ARID1B: variants seen among roughly 807,000 people sequenced by gnomAD.
ARID1B encodes the protein AT-rich interaction domain 1B.
In ARID1B, 30 loss-of-function variants were observed where a neutral mutation model predicts 212.3. That is an observed-to-expected ratio of 0.14 (90% CI 0.11 to 0.19). The LOEUF is 0.19. Ranked by LOEUF, ARID1B falls within the 10% of genes least tolerant of loss-of-function variation. The pLI is 1.00. For synonymous variants in ARID1B, 1,402 were observed against 1,301.7 expected, an observed-to-expected ratio of 1.08 and a Z score of -1.66; for missense variants, 2,891 against 3,204.0, an observed-to-expected ratio of 0.90 and a Z score of 2.36.
chr6:157,036,891 G>A, intron 4 of ARID1B: 1 of 498,086 alleles, frequency 2.0e-6, no homozygotes, highest in South Asian at 1.5e-5. Flanking sequence ...GTAGTCTGGT[G>A]TAGTTCATTG....
At chr6:156,807,989 C>T (rs1254326715) in intron 1 of ARID1B, among the ~76,000 whole-genome samples, 10 of 152,174 alleles carry the variant, frequency 6.6e-5, no homozygotes, top group East Asian at 3.8e-4. Flanking sequence ...CCTAGACTCC[C>T]GTGTCATTGA....
At chr6:156,798,966 A>G (rs1562393265) in intron 1 of ARID1B, among the ~76,000 whole-genome samples, 2 of 152,148 alleles carry the variant, frequency 1.3e-5, no homozygotes, top group Non-Finnish European at 2.9e-5. Flanking sequence ...TGTATAGGTT[A>G]TTCTCTGATG....
chr6:156,980,267 G>C (rs985086518), intron 4 of ARID1B, among the ~76,000 whole-genome samples: 3 of 152,086 alleles, frequency 2.0e-5, no homozygotes, highest in Non-Finnish European at 4.4e-5. Context: ...TAGATCACCT[G>C]CGGTCAGGAG....
intron 1 of ARID1B, among the ~76,000 whole-genome samples, chr6:156,802,029 C>T (rs1291638555): frequency 6.6e-6 from 1 of 152,234 alleles, no homozygotes. Flanking sequence ...GAATGTTTAA[C>T]TGGTTGGTGC....
At chr6:157,182,504 G>T (rs1399884595) in intron 12 of ARID1B, among the ~76,000 whole-genome samples, 1 of 152,132 alleles carries the variant, frequency 6.6e-6, no homozygotes, top group Non-Finnish European at 1.5e-5. Context: ...AGAATCAGGC[G>T]CCCTGCGCCC....
chr6:157,016,967 G>A (rs1562551717), intron 4 of ARID1B, among the ~76,000 whole-genome samples: 2 of 152,120 alleles, frequency 1.3e-5, no homozygotes, highest in African/African-American at 4.8e-5. Flanking sequence ...CATTAATTTT[G>A]TATTGCTTAA....
intron 2 of ARID1B, among the ~76,000 whole-genome samples, chr6:156,863,926 G>A (rs1292872840): frequency 1.3e-5 from 2 of 152,122 alleles, no homozygotes; most frequent in Admixed American, 6.5e-5. Context: ...GAGAGATTCC[G>A]TTACTTCTTG....
intron 9 of ARID1B, among the ~76,000 whole-genome samples, chr6:157,172,222 A>G (rs930718877): frequency 6.6e-6 from 1 of 152,288 alleles, no homozygotes; most frequent in East Asian, 1.9e-4. Flanking sequence ...CCCAGAGACA[A>G]AACTGCGTGG....
chr6:156,872,632 A>G (rs925181554), intron 2 of ARID1B, among the ~76,000 whole-genome samples: 2 of 152,206 alleles, frequency 1.3e-5, no homozygotes, highest in Middle Eastern at 3.4e-3. Context: ...GGCCTAACCC[A>G]TCGGTTTTCA....
chr6:156,830,975 C>A (rs533423132), intron 2 of ARID1B, among the ~76,000 whole-genome samples: 25 of 152,252 alleles, frequency 1.6e-4, no homozygotes, highest in African/African-American at 4.3e-4. Context: ...TTACCCACTC[C>A]GAATTCTAGC....
At chr6:157,039,355 GCT>G (rs1781558188) in intron 4 of ARID1B, among the ~76,000 whole-genome samples, 1 of 77,156 alleles carries the variant, frequency 1.3e-5, no homozygotes, top group Admixed American at 1.4e-4. Context: ...ACGGAGTCTC[GCT>G]CTGTCGCCCA....
At chr6:157,146,471 C>T (rs1201235639) in intron 7 of ARID1B, among the ~76,000 whole-genome samples, 1 of 152,198 alleles carries the variant, frequency 6.6e-6, no homozygotes, top group Non-Finnish European at 1.5e-5. Flanking sequence ...TCAGAGGACT[C>T]TCCACCAACC....
chr6:156,939,957 A>G (rs958866454), intron 4 of ARID1B: 2 of 152,248 alleles, frequency 1.3e-5, no homozygotes, highest in Non-Finnish European at 2.9e-5. Context: ...GAAAAAGGAA[A>G]AAGTTTTATT....
intron 1 of ARID1B, among the ~76,000 whole-genome samples, chr6:156,811,971 C>T (rs1781582781): frequency 6.6e-6 from 1 of 152,192 alleles, no homozygotes. Flanking sequence ...AGATGATTTC[C>T]TTCAACTAAA....
At chr6:157,106,912 G>A (rs971088826) in intron 5 of ARID1B, among the ~76,000 whole-genome samples, 7 of 152,304 alleles carry the variant, frequency 4.6e-5, no homozygotes, top group South Asian at 2.1e-4. Context: ...ACCGTTAGCC[G>A]ATACCACTGT....
At position 156,977,004 on chromosome 6, in the gene ARID1B, G is replaced by A. The variant is rs146244833; in HGVS notation, c.2247+41428G>A. ...TTTCATTGCACTGACAACCTCGGCT[G>A]GCATCATGGACCATAAGGAAGCAAG... On this transcript the variant is annotated intron_variant, in intron 4 of 19. Transcript: ENST00000636930. The A allele has an allele frequency of 2.6e-3, 1,353 of 511,892 alleles. 18 individuals carry two copies. Among genetic ancestry groups the A allele is most frequent in the African/African-American group, 0.024 (1,249 of 51,370 alleles). 31.7% of individuals were successfully genotyped at this position (511,892 alleles called of 1,614,324 possible). A position where few individuals can be genotyped will look rare whatever the true frequency, so the allele number is the denominator to read the frequency against.
intron 8 of ARID1B, among the ~76,000 whole-genome samples, chr6:157,155,397 C>T (rs1223701752): frequency 1.3e-5 from 2 of 151,828 alleles, no homozygotes; most frequent in African/African-American, 4.8e-5. Flanking sequence ...ATAAGCACTA[C>T]TGTTCCTTTG....
At chr6:157,014,945 C>T (rs1779828717) in intron 4 of ARID1B, among the ~76,000 whole-genome samples, 1 of 151,404 alleles carries the variant, frequency 6.6e-6, no homozygotes, top group Non-Finnish European at 1.5e-5. Context: ...AACATGCAGG[C>T]TAAAGTAAAA....
At chr6:156,934,626 G>T (rs556427556) in intron 3 of ARID1B, among the ~76,000 whole-genome samples, 2 of 152,012 alleles carry the variant, frequency 1.3e-5, no homozygotes, top group East Asian at 3.9e-4. Flanking sequence ...GCTTAATAAC[G>T]ATTTACGCTG....
Sources: gnomAD v4.1 joint callset for allele counts (sites outside exome capture counted in the v4.1 genomes callset) on GRCh38, gnomAD v4.1.1 for gene constraint, MANE v1.5 for transcripts, NCBI Gene and HGNC (gene_info 2026-07-23, HGNC 2026-07-21) for gene names.